FMN2: variants seen among roughly 807,000 people sequenced by gnomAD.
FMN2 encodes the protein formin 2, also known as formin-2.
A neutral mutation model predicts 142.3 loss-of-function variants in FMN2; 51 were observed. That is an observed-to-expected ratio of 0.36 (90% CI 0.29 to 0.45). The LOEUF (loss-of-function observed/expected upper bound fraction) is 0.45, where lower values mean the gene tolerates loss of function less well. Among genes scored for constraint, FMN2 ranks in the 20% least tolerant of loss-of-function variants. The pLI, the probability that FMN2 is intolerant of heterozygous loss-of-function variation, is 1.00. For synonymous variants in FMN2, 882 were observed against 869.8 expected (o/e 1.01, Z -0.25); for missense variants, 1,936 against 2,122.8 (o/e 0.91, Z 1.73).
At chr1:240,195,341 G>T (rs1572046197) in intron 4 of FMN2, among the ~76,000 whole-genome samples, 1 of 152,188 alleles carries the variant, frequency 6.6e-6, no homozygotes, top group East Asian at 1.9e-4. Context: ...ATGTTTTTGT[G>T]CTTTTTCTTG....
intron 8 of FMN2, among the ~76,000 whole-genome samples, chr1:240,295,802 T>C (rs796251269): frequency 1.3e-5 from 2 of 152,334 alleles, no homozygotes; most frequent in African/African-American, 4.8e-5. Flanking sequence ...CTGGATCATA[T>C]GGTAGTTCTG....
At chr1:240,395,990 G>A (rs186308493) in intron 15 of FMN2, among the ~76,000 whole-genome samples, 278 of 152,234 alleles carry the variant, frequency 1.8e-3, no homozygotes, top group African/African-American at 6.6e-3. Flanking sequence ...AGATTTCATT[G>A]TTGTCTTATT....
At chr1:240,292,214 A>G (rs1170235579) in intron 7 of FMN2, among the ~76,000 whole-genome samples, 1 of 152,192 alleles carries the variant, frequency 6.6e-6, no homozygotes, top group Non-Finnish European at 1.5e-5. Context: ...AACAAGGCTG[A>G]AATTTTGGAC....
At chr1:240,144,525 A>G in intron 2 of FMN2, 2 of 1,482,900 alleles carry the variant, frequency 1.3e-6, no homozygotes, top group Non-Finnish European at 1.9e-6. Flanking sequence ...ACATCCTCGC[A>G]GGATGTGAAG....
chr1:240,128,054 C>T (rs1042597447), intron 2 of FMN2, among the ~76,000 whole-genome samples: 12 of 152,128 alleles, frequency 7.9e-5, no homozygotes, highest in African/African-American at 2.9e-4. Flanking sequence ...GTGCCATTCA[C>T]TGAGGTAGAG....
intron 15 of FMN2, among the ~76,000 whole-genome samples, chr1:240,396,994 T>C (rs1157007524): frequency 6.6e-6 from 1 of 152,172 alleles, no homozygotes. Flanking sequence ...AGTCAAATGG[T>C]ATTATAGTTC....
intron 3 of FMN2, among the ~76,000 whole-genome samples, chr1:240,184,753 T>G (rs1474599117): frequency 6.6e-6 from 1 of 151,828 alleles, no homozygotes; most frequent in East Asian, 1.9e-4. Flanking sequence ...GTTGGGAACG[T>G]GGGAGTCGGG....
rs1355758658 is a variant in FMN2, at chr1:240,365,821, T to C, written c.4858+9913T>C. ...ATGTTGAACTCATGGCTGGCAACAC[T>C]GTTACTCATGCCTTAATGAACTTTA... On this transcript the variant is annotated intron_variant, in intron 14 of 17. Coordinates refer to ENST00000319653, the MANE Select transcript of FMN2 (RefSeq NM_020066.5). Among the ~76,000 whole-genome samples the C allele has an allele frequency of 3.3e-5, 5 of 152,220 alleles. No homozygotes were observed. The South Asian group carries it at 8.3e-4, about 25-fold the overall frequency.
At chr1:240,439,279 A>AAAAAAAAAG (rs555074808) in intron 16 of FMN2, among the ~76,000 whole-genome samples, 6 of 124,770 alleles carry the variant, frequency 4.8e-5, no homozygotes, top group African/African-American at 1.6e-4. Flanking sequence ...TCAAAAAAAA[A>AAAAAAAAAG]AAAGAAAGAA....
chr1:240,329,118 C>T lies in FMN2; in HGVS notation c.4258C>T (p.Arg1420Ter). 6.2e-7 allele frequency: 1 copy of T among 1,614,040 alleles called. No homozygotes were observed. Among genetic ancestry groups the T allele is most frequent in the Non-Finnish European group, 8.5e-7 (1 of 1,179,984 alleles). ...DELEKIEKHG[R>*]SSKDKENAKS... ...ACTCGAAAAAATAGAAAAGCATGGCCGATCTTCCAAAGACAAGGAAAATGC... is the reference window on the plus strand; with the variant it reads ...ACTCGAAAAAATAGAAAAGCATGGCTGATCTTCCAAAGACAAGGAAAATGC... The change falls in exon 9 of 18, where the codon CGA (arginine) becomes TGA (stop). Residue 1420 changes from arginine (R) to a stop codon, truncating the protein, a stop_gained. Transcript: ENST00000319653. LOFTEE classifies it high-confidence loss of function.
intron 6 of FMN2, among the ~76,000 whole-genome samples, chr1:240,212,396 G>A (rs1252248476): frequency 6.6e-6 from 1 of 152,204 alleles, no homozygotes. Flanking sequence ...CAAACATTAT[G>A]CAGTTGAATT....
intron 15 of FMN2, among the ~76,000 whole-genome samples, chr1:240,426,283 G>A (rs1010233623): frequency 2.8e-5 from 4 of 143,118 alleles, no homozygotes; most frequent in African/African-American, 5.0e-5. Flanking sequence ...AATAGTTCTC[G>A]GTTTGTGGTA....
chr1:240,262,897 A>G (rs1349663583), intron 7 of FMN2, among the ~76,000 whole-genome samples: 4 of 151,112 alleles, frequency 2.6e-5, no homozygotes, highest in African/African-American at 9.7e-5. Context: ...AGTAGCTGGG[A>G]TTACAGCCAC....
intron 4 of FMN2, among the ~76,000 whole-genome samples, chr1:240,193,697 G>T (rs1665803911): frequency 6.6e-6 from 1 of 152,226 alleles, no homozygotes; most frequent in South Asian, 2.1e-4. Context: ...GGGCCTCCTT[G>T]GCCTGCAGCC....
At chr1:240,388,806 G>A (rs1268968243) in intron 14 of FMN2, among the ~76,000 whole-genome samples, 3 of 147,486 alleles carry the variant, frequency 2.0e-5, no homozygotes, top group African/African-American at 5.0e-5. Context: ...AGGTTGCAGT[G>A]AGCCGAGATC....
intron 2 of FMN2, among the ~76,000 whole-genome samples, chr1:240,163,364 A>T (rs528740768): frequency 3.3e-5 from 5 of 152,260 alleles, no homozygotes; most frequent in African/African-American, 1.2e-4. Flanking sequence ...AATTTTTGCT[A>T]TGTGTGCTTT....
rs372635921 is a variant in FMN2 at position 240,278,240 on chromosome 1, T to C, written c.4154-16582T>C. On this transcript the variant is annotated intron_variant, in intron 7 of 17. Coordinates refer to ENST00000319653, the MANE Select transcript of FMN2 (RefSeq NM_020066.5). ...TGAGCATTTGTAGGGTCAGTTGTCA[T>C]TATCTTGGTCACGATCTTTGGAGTG... Among the ~76,000 whole-genome samples, 24 of 152,254 alleles carry C rather than the reference T, an allele frequency of 1.6e-4. No individual in the cohort carries two copies. In the East Asian group the frequency reaches 3.1e-3, roughly 20 times the overall value.
intron 1 of FMN2, among the ~76,000 whole-genome samples, chr1:240,105,284 T>C (rs773866609): frequency 1.3e-4 from 20 of 151,818 alleles, no homozygotes; most frequent in Non-Finnish European, 2.6e-4. Flanking sequence ...AATTTTTGTA[T>C]CTTTGGTAGA....
intron 14 of FMN2, among the ~76,000 whole-genome samples, chr1:240,377,239 T>C (rs1558460846): frequency 6.6e-6 from 1 of 152,144 alleles, no homozygotes; most frequent in Admixed American, 6.6e-5. Flanking sequence ...TATTTAGCCA[T>C]TGCTTTCTTG....
Sources: allele counts gnomAD v4.1 joint callset (sites outside exome capture counted in the v4.1 genomes callset), GRCh38; gene constraint gnomAD v4.1.1; transcripts MANE v1.5; gene names NCBI Gene and HGNC (gene_info 2026-07-23, HGNC 2026-07-21).